ZFHX3: variants seen among roughly 807,000 people sequenced by gnomAD.
The protein encoded by ZFHX3 is zinc finger homeobox protein 3.
In ZFHX3, 42 loss-of-function variants were observed where a neutral mutation model predicts 279.1. The observed-to-expected ratio is 0.15, with a 90% CI of 0.12 to 0.19. The LOEUF is 0.19. Among genes scored for constraint, ZFHX3 ranks in the 10% least tolerant of loss-of-function variants. The pLI, the probability that ZFHX3 is intolerant of heterozygous loss-of-function variation, is 1.00. For synonymous variants in ZFHX3, 2,293 were observed against 1,957.8 expected (o/e 1.17, Z -4.52); for missense variants, 4,981 against 4,754.0 (o/e 1.05, Z -1.40).
At chr16:73,536,935 TA>T (rs796480008) in intron 2 of ZFHX3, among the ~76,000 whole-genome samples, 120 of 151,380 alleles carry the variant, frequency 7.9e-4, no homozygotes, top group African/African-American at 2.6e-3. Context: ...CATTCTTTAT[TA>T]AAAAAAAAGA....
intron 1 of ZFHX3, among the ~76,000 whole-genome samples, chr16:73,771,544 A>G (rs1342653121): frequency 6.6e-6 from 1 of 152,164 alleles, no homozygotes; most frequent in Non-Finnish European, 1.5e-5. Flanking sequence ...CTGAGGTCTT[A>G]CCTTCCTCTG....
intron 1 of ZFHX3, among the ~76,000 whole-genome samples, chr16:73,000,807 T>A (rs1048615658): frequency 6.6e-6 from 1 of 152,172 alleles, no homozygotes. Flanking sequence ...TTCGACACAC[T>A]CCTGGAGTCT....
intron 1 of ZFHX3, among the ~76,000 whole-genome samples, chr16:72,979,943 T>C (rs55810200): frequency 0.21 from 31,959 of 152,034 alleles, 3,454 homozygotes; most frequent in African/African-American, 0.23. Context: ...AAAAAATCAA[T>C]TGGTCAGGAT....
chr16:72,869,246 G>T (rs1292803401), intron 4 of ZFHX3, among the ~76,000 whole-genome samples: 1 of 152,182 alleles, frequency 6.6e-6, no homozygotes, highest in Non-Finnish European at 1.5e-5. Context: ...TGGCCCTGGA[G>T]CCTTCACTTT....
intron 2 of ZFHX3, among the ~76,000 whole-genome samples, chr16:73,563,395 T>G (rs924586912): frequency 1.1e-4 from 16 of 151,998 alleles, no homozygotes; most frequent in African/African-American, 3.9e-4. Flanking sequence ...TAGCTGGGAC[T>G]ACAGGCACGC....
At chr16:73,738,095 C>T (rs945138932) in intron 1 of ZFHX3, among the ~76,000 whole-genome samples, 1 of 152,162 alleles carries the variant, frequency 6.6e-6, no homozygotes, top group Admixed American at 6.5e-5. Context: ...AATAATTAAG[C>T]ATCTATGGAA....
chr16:73,540,913 T>G (rs2019999318), intron 2 of ZFHX3, among the ~76,000 whole-genome samples: 2 of 152,140 alleles, frequency 1.3e-5, no homozygotes, highest in Non-Finnish European at 2.9e-5. Context: ...GGGCTATGCT[T>G]CCTAAATGTA....
At chr16:73,683,180 T>C (rs974063265) in intron 1 of ZFHX3, among the ~76,000 whole-genome samples, 10 of 152,162 alleles carry the variant, frequency 6.6e-5, no homozygotes, top group African/African-American at 2.4e-4. Context: ...TTAAAAACCA[T>C]CAGCGATGTA....
intron 1 of ZFHX3, among the ~76,000 whole-genome samples, chr16:73,837,731 C>T (rs1961182040): frequency 6.6e-6 from 1 of 152,146 alleles, no homozygotes; most frequent in African/African-American, 2.4e-5. Context: ...ATCCTTTCCG[C>T]GTTCAAGCGA....
chr16:73,788,385 A>G (rs150877519), intron 1 of ZFHX3, among the ~76,000 whole-genome samples: 38 of 152,324 alleles, frequency 2.5e-4, no homozygotes, highest in African/African-American at 8.4e-4. Context: ...GGTTTATATA[A>G]GAGACTTCGT....
chr16:73,797,740 A>T (rs1433886344), intron 1 of ZFHX3, among the ~76,000 whole-genome samples: 1 of 152,130 alleles, frequency 6.6e-6, no homozygotes, highest in East Asian at 1.9e-4. Flanking sequence ...TCTTCGTCTA[A>T]AAATTAGAAT....
At chr16:73,342,286 T>C (rs1292114896) in intron 3 of ZFHX3, among the ~76,000 whole-genome samples, 1 of 152,216 alleles carries the variant, frequency 6.6e-6, no homozygotes, top group Non-Finnish European at 1.5e-5. Context: ...TTTGTACACC[T>C]AGTGACCCAG....
intron 8 of ZFHX3, among the ~76,000 whole-genome samples, chr16:73,064,998 C>A (rs1965728375): frequency 6.6e-6 from 1 of 152,230 alleles, no homozygotes; most frequent in Admixed American, 6.5e-5. Context: ...ACAAAGTGAA[C>A]AACTTGAGGG....
intron 2 of ZFHX3, among the ~76,000 whole-genome samples, chr16:73,518,105 G>A (rs2019554150): frequency 6.6e-6 from 1 of 152,078 alleles, no homozygotes; most frequent in Admixed American, 6.6e-5. Context: ...ACATATCTCA[G>A]TTAGGACTAG....
chr16:73,635,174 CA>C (rs1281667090), intron 2 of ZFHX3, among the ~76,000 whole-genome samples: 1 of 152,064 alleles, frequency 6.6e-6, no homozygotes, highest in Non-Finnish European at 1.5e-5. Context: ...AAAGTTTCTT[CA>C]CTAAAAAGAA....
intron 1 of ZFHX3, among the ~76,000 whole-genome samples, chr16:72,977,877 T>C (rs1471465444): frequency 1.7e-4 from 26 of 152,124 alleles, no homozygotes; most frequent in Non-Finnish European, 2.9e-5. Context: ...TTTTCTTTTT[T>C]TTTTGAGACA....
chr16:73,360,927 G>A (rs1045858619), intron 3 of ZFHX3, among the ~76,000 whole-genome samples: 6 of 152,044 alleles, frequency 3.9e-5, no homozygotes, highest in African/African-American at 1.4e-4. Flanking sequence ...GGGGTCATGA[G>A]CCACCCCAGC....
intron 4 of ZFHX3, among the ~76,000 whole-genome samples, chr16:72,876,112 C>T (rs1043109920): frequency 6.6e-6 from 1 of 152,196 alleles, no homozygotes. Flanking sequence ...ATCCCAACTT[C>T]GCCGCTTCAT....
chr16:73,623,639 G>A (rs1465215178), intron 2 of ZFHX3, among the ~76,000 whole-genome samples: 4 of 152,208 alleles, frequency 2.6e-5, no homozygotes, highest in African/African-American at 9.7e-5. Context: ...TACATCAAAT[G>A]TGCATGTGAA....
Sources: gnomAD v4.1 joint callset for allele counts (sites outside exome capture counted in the v4.1 genomes callset) on GRCh38, gnomAD v4.1.1 for gene constraint, MANE v1.5 for transcripts, NCBI Gene and HGNC (gene_info 2026-07-23, HGNC 2026-07-21) for gene names.